The following FBXL17 variants were observed in gnomAD, a reference collection of about 807,000 sequenced individuals.
The protein encoded by FBXL17 is F-box/LRR-repeat protein 17.
A neutral mutation model predicts 66.2 loss-of-function variants in FBXL17; 22 were observed. The ratio of observed to expected loss-of-function variants is 0.33; its 90% CI spans 0.24 to 0.47. The LOEUF is 0.47. Among genes scored for constraint, FBXL17 ranks in the 20% least tolerant of loss-of-function variants. The probability of loss-of-function intolerance (pLI) is 1.00; values close to 1 mark genes in which losing one functional copy is unlikely to be tolerated. For synonymous variants in FBXL17, 474 were observed against 400.5 expected (o/e 1.18, Z -2.19); for missense variants, 878 against 948.2 (o/e 0.93, Z 0.97).
chr5:107,980,664 A>ATATTTTTTTTTTT, intron 7 of FBXL17, among the ~76,000 whole-genome samples: 2 of 62,106 alleles, frequency 3.2e-5, no homozygotes, highest in East Asian at 1.1e-3. Context: ...ATATATATAT[A>ATATTTTTTTTTTT]TTTTTTTTTT....
intron 6 of FBXL17, among the ~76,000 whole-genome samples, chr5:108,036,566 C>A (rs915147592): frequency 1.3e-5 from 2 of 152,050 alleles, no homozygotes; most frequent in Non-Finnish European, 2.9e-5. Context: ...TAATTCAGAC[C>A]CAAGCGCTTA....
rs145267232 is a variant in FBXL17, at chr5:108,334,943, C to T, written c.1506+13456G>A. 1.1e-4 allele frequency among the ~76,000 whole-genome samples: 17 copies of T among 152,228 alleles called. No homozygotes were observed. The East Asian group carries it at 2.3e-3, about 21-fold the overall frequency. On this transcript the variant is annotated intron_variant, in intron 4 of 8. Coordinates refer to ENST00000542267, the MANE Select transcript of FBXL17 (RefSeq NM_001163315.3). ...AAAATGGAAAAGTCCCCTAAAACAA[C>T]GTACATATTTACAAGAAGTAATCAT...
Position 108,145,095 on chromosome 5 carries a change from T to A in FBXL17, c.1745+41022A>T, listed in dbSNP as rs1307038456. Among the ~76,000 whole-genome samples the A allele has an allele frequency of 3.3e-5, 5 of 152,130 alleles. No individual in the cohort carries two copies. The East Asian group carries it at 9.6e-4, about 29-fold the overall frequency. On this transcript the variant is annotated intron_variant, in intron 6 of 8. Transcript: ENST00000542267. ...ATCAGTTTCACAAAAATTTTTAAGA[T>A]AATAGTAAATTAGGATCAAATTTTC...
At chr5:108,316,683 AAT>A (rs1226578270) in intron 4 of FBXL17, among the ~76,000 whole-genome samples, 3 of 151,316 alleles carry the variant, frequency 2.0e-5, no homozygotes, top group African/African-American at 4.8e-5. Context: ...AGCCTTATGA[AAT>A]AGTCATTTTT....
chr5:107,863,564 C>G (rs1748192337), intron 8 of FBXL17, among the ~76,000 whole-genome samples: 1 of 141,858 alleles, frequency 7.0e-6, no homozygotes, highest in South Asian at 2.1e-4. Context: ...TCAATACTCC[C>G]TACTTTTCCC....
intron 6 of FBXL17, among the ~76,000 whole-genome samples, chr5:108,149,787 A>T (rs1441347898): frequency 6.6e-6 from 1 of 152,178 alleles, no homozygotes; most frequent in Non-Finnish European, 1.5e-5. Context: ...GTGTTTTCTT[A>T]CATCCCATAT....
intron 6 of FBXL17, among the ~76,000 whole-genome samples, chr5:108,061,191 G>A (rs1747906310): frequency 6.6e-6 from 1 of 152,060 alleles, no homozygotes; most frequent in Admixed American, 6.6e-5. Context: ...GGAGGCTAAG[G>A]CAGGAGAATC....
chr5:107,879,734 G>A, intron 8 of FBXL17: 1 of 985,394 alleles, frequency 1.0e-6, no homozygotes, highest in Non-Finnish European at 1.2e-6. Context: ...TGCTAGATTT[G>A]TTCCTAATCA....
At chr5:108,342,497 T>A (rs1033206655) in intron 4 of FBXL17, among the ~76,000 whole-genome samples, 1 of 152,170 alleles carries the variant, frequency 6.6e-6, no homozygotes. Flanking sequence ...TCCTTTGATG[T>A]CTCACAGCAC....
intron 4 of FBXL17, among the ~76,000 whole-genome samples, chr5:108,276,363 A>T (rs921759497): frequency 1.2e-4 from 19 of 152,184 alleles, no homozygotes; most frequent in African/African-American, 4.1e-4. Flanking sequence ...GTGATGATTG[A>T]TTGCATTTTT....
At chr5:108,106,375 G>A (rs1047962863) in intron 6 of FBXL17, among the ~76,000 whole-genome samples, 1 of 152,168 alleles carries the variant, frequency 6.6e-6, no homozygotes, top group African/African-American at 2.4e-5. Context: ...AATATTAAAT[G>A]TAAAGTTGCC....
At chr5:108,303,234 G>A (rs371187808) in intron 4 of FBXL17, among the ~76,000 whole-genome samples, 1 of 151,720 alleles carries the variant, frequency 6.6e-6, no homozygotes, top group African/African-American at 2.4e-5. Flanking sequence ...AATGTATGAC[G>A]AAAAACAGGC....
intron 6 of FBXL17, among the ~76,000 whole-genome samples, chr5:108,044,524 T>C (rs1057477164): frequency 6.6e-6 from 1 of 152,222 alleles, no homozygotes; most frequent in Non-Finnish European, 1.5e-5. Context: ...TGATTCTTTT[T>C]ATATGGTCCT....
chr5:107,920,884 G>A (rs982102), intron 7 of FBXL17, among the ~76,000 whole-genome samples: 12,763 of 152,120 alleles, frequency 0.084, 762 homozygotes, highest in Non-Finnish European at 0.13. Context: ...CTTAAAAGCC[G>A]TGAAAATTGC....
chr5:108,124,878 A>C (rs1750636220), intron 6 of FBXL17, among the ~76,000 whole-genome samples: 1 of 152,076 alleles, frequency 6.6e-6, no homozygotes, highest in African/African-American at 2.4e-5. Context: ...CTGACATAGT[A>C]AAAAATTTAG....
At chr5:108,354,312 G>C (rs1324731873) in intron 3 of FBXL17, among the ~76,000 whole-genome samples, 2 of 152,112 alleles carry the variant, frequency 1.3e-5, no homozygotes, top group Non-Finnish European at 2.9e-5. Context: ...TATGTTAAGA[G>C]CTTTAATGGG....
chr5:108,171,911 T>C (rs1233278574), intron 6 of FBXL17, among the ~76,000 whole-genome samples: 3 of 151,812 alleles, frequency 2.0e-5, no homozygotes, highest in Non-Finnish European at 4.4e-5. Flanking sequence ...CTGATGGTTT[T>C]AAAAAGAGGA....
At chr5:107,964,565 T>A (rs1752043810) in intron 7 of FBXL17, among the ~76,000 whole-genome samples, 1 of 152,100 alleles carries the variant, frequency 6.6e-6, no homozygotes, top group South Asian at 2.1e-4. Context: ...AGAATCTTAA[T>A]AGAACTGATA....
intron 5 of FBXL17, among the ~76,000 whole-genome samples, chr5:108,216,786 T>G (rs1191011255): frequency 6.6e-6 from 1 of 151,964 alleles, no homozygotes; most frequent in African/African-American, 2.4e-5. Context: ...CAGGTACCAA[T>G]AAGGGAACTA....
Sources: allele counts gnomAD v4.1 joint callset (sites outside exome capture counted in the v4.1 genomes callset), GRCh38; gene constraint gnomAD v4.1.1; transcripts MANE v1.5; gene names NCBI Gene and HGNC (gene_info 2026-07-23, HGNC 2026-07-21).